The following LUC7L2 variants were observed in gnomAD, a reference collection of about 807,000 sequenced individuals.
The protein encoded by LUC7L2 is LUC7 like 2, pre-mRNA splicing factor.
LUC7L2 carries 25 observed loss-of-function variants against 52.8 expected under a neutral mutation model. The observed-to-expected ratio is 0.47, with a 90% confidence interval of 0.34 to 0.66. LUC7L2 has a LOEUF of 0.66. Among genes scored for constraint, LUC7L2 ranks in the 30% least tolerant of loss-of-function variants. The probability of loss-of-function intolerance (pLI) is 0.01; values close to 1 mark genes in which losing one functional copy is unlikely to be tolerated. For missense variants in LUC7L2, 328 were observed against 497.8 expected, an observed-to-expected ratio of 0.66 and a Z score of 3.25; for synonymous variants, 144 against 160.9, an observed-to-expected ratio of 0.89 and a Z score of 0.80.
At chr7:139,411,786 GATT>G (rs1355490738) in intron 7 of LUC7L2, among the ~76,000 whole-genome samples, 1 of 152,148 alleles carries the variant, frequency 6.6e-6, no homozygotes, top group Admixed American at 6.5e-5. Context: ...GTGTTCTAGA[GATT>G]ATAGTATGAG....
chr7:139,394,247 T>A (rs1331903064), intron 2 of LUC7L2, among the ~76,000 whole-genome samples: 1 of 152,222 alleles, frequency 6.6e-6, no homozygotes, highest in Non-Finnish European at 1.5e-5. Flanking sequence ...TTCTTTGCCC[T>A]CTTTCCTAGT....
intron 3 of LUC7L2, among the ~76,000 whole-genome samples, chr7:139,400,258 G>C (rs190027187): frequency 1.1e-3 from 163 of 152,242 alleles, no homozygotes; most frequent in Non-Finnish European, 9.3e-4. Context: ...TGTAATCCCA[G>C]CACTTTGGGA....
intron 2 of LUC7L2, among the ~76,000 whole-genome samples, chr7:139,383,728 T>C (rs1459214382): frequency 6.6e-6 from 1 of 150,676 alleles, no homozygotes; most frequent in East Asian, 1.9e-4. Context: ...GATGTCTTTT[T>C]TTTTTTCTTT....
chr7:139,378,983 T>C (rs1024503137), intron 2 of LUC7L2, among the ~76,000 whole-genome samples: 1 of 152,150 alleles, frequency 6.6e-6, no homozygotes, highest in African/African-American at 2.4e-5. Context: ...GCTTTTTCTT[T>C]GTTGTGTACC....
chr7:139,350,416 C>A (rs1038102596), intron 1 of LUC7L2, among the ~76,000 whole-genome samples: 1 of 151,634 alleles, frequency 6.6e-6, no homozygotes, highest in Non-Finnish European at 1.5e-5. Context: ...CCACTGCACC[C>A]AGCCACCTTA....
At chr7:139,402,357 G>C (rs1794951126) in intron 4 of LUC7L2, 110 bp downstream of exon 4, 2 of 1,067,732 alleles carry the variant, frequency 1.9e-6, no homozygotes, top group Non-Finnish European at 2.6e-6. Flanking sequence ...ACATATACAA[G>C]GAATTCTGTA....
Position 139,417,650 on chromosome 7 carries a change from A to AGCAGCCGTAGCC in LUC7L2, c.935_946dup (p.Arg312_Ser315dup). The stretch of plus-strand genomic sequence containing the variant: ...ACGCCATCGCCACAGGTCCCGCTCC[A>AGCAGCCGTAGCC]GCAGCCGTAGCCGCAGCCGTAGCCA... On this transcript the variant is annotated inframe_insertion, in exon 9 of 10. Coordinates refer to ENST00000354926, the MANE Select transcript of LUC7L2 (RefSeq NM_016019.5). 6.2e-7 allele frequency: 1 copy of AGCAGCCGTAGCC among 1,614,220 alleles called. No individual in the cohort carries two copies. Among genetic ancestry groups the AGCAGCCGTAGCC allele is most frequent in the Non-Finnish European group, 8.5e-7 (1 of 1,180,038 alleles).
At chr7:139,417,489 A>T in intron 8 of LUC7L2, 49 bp from the exon 9 acceptor site, 2 of 1,578,010 alleles carry the variant, frequency 1.3e-6, no homozygotes, top group South Asian at 2.3e-5. Context: ...AATAAATGAG[A>T]AATATAGTAA....
At chr7:139,380,307 C>T (rs970586313) in intron 2 of LUC7L2, among the ~76,000 whole-genome samples, 6 of 151,864 alleles carry the variant, frequency 4.0e-5, no homozygotes, top group African/African-American at 1.5e-4. Flanking sequence ...ACTTCAAAAG[C>T]TTGCGGCTAG....
chr7:139,377,787 A>G (rs1186598458), intron 2 of LUC7L2, among the ~76,000 whole-genome samples: 1 of 150,612 alleles, frequency 6.6e-6, no homozygotes, highest in Non-Finnish European at 1.5e-5. Flanking sequence ...TCAGCCTCCC[A>G]AAGTGCTGGA....
At chr7:139,360,456 C>T (rs903993816) in intron 1 of LUC7L2, 134 bp downstream of exon 1, 1 of 742,930 alleles carries the variant, frequency 1.3e-6, no homozygotes, top group East Asian at 3.0e-5. Flanking sequence ...AGGTCCCCGT[C>T]CCCCGTCCCA....
chr7:139,407,001 G>GTTTTTTTT (rs58914782), intron 5 of LUC7L2, among the ~76,000 whole-genome samples, 173 bp from the exon 6 acceptor site: 6 of 110,458 alleles, frequency 5.4e-5, no homozygotes, highest in Admixed American at 1.1e-4. Context: ...TGCTTTTGTG[G>GTTTTTTTT]TTTTTTTTTT....
intron 2 of LUC7L2, among the ~76,000 whole-genome samples, chr7:139,393,836 A>T (rs1042752794): frequency 1.3e-5 from 2 of 152,210 alleles, no homozygotes; most frequent in African/African-American, 2.4e-5. Context: ...AGGAATATAG[A>T]TGACTAGTAT....
At chr7:139,347,921 G>A (rs931385173) in intron 1 of LUC7L2, among the ~76,000 whole-genome samples, 6 of 152,148 alleles carry the variant, frequency 3.9e-5, no homozygotes, top group Middle Eastern at 3.4e-3. Context: ...GGCTGGTCTC[G>A]AACTCCTGAC....
At chr7:139,349,626 C>G (rs1585062090) in intron 1 of LUC7L2, among the ~76,000 whole-genome samples, 1 of 125,352 alleles carries the variant, frequency 8.0e-6, no homozygotes, top group Non-Finnish European at 1.7e-5. Context: ...CCCCCCCCCC[C>G]ACCGGATTTT....
intron 2 of LUC7L2, among the ~76,000 whole-genome samples, chr7:139,396,966 C>G (rs1317482932): frequency 6.6e-6 from 1 of 152,098 alleles, no homozygotes; most frequent in Admixed American, 6.5e-5. Context: ...GAATCTTGAT[C>G]TCGTGCATTA....
intron 4 of LUC7L2, among the ~76,000 whole-genome samples, chr7:139,404,898 T>TGGTTTAGCAATAAGTCAGATCTGATGGA (rs1174490845): frequency 6.6e-6 from 1 of 152,204 alleles, no homozygotes; most frequent in African/African-American, 2.4e-5. Context: ...AGATAGTAAT[T>TGGTTTAGCAATAAGTCAGATCTGATGGA]GGTTTAGCAA....
At position 139,407,156 on chromosome 7, in the gene LUC7L2, T is replaced by G. The variant is rs1795169441; in HGVS notation, c.511-18T>G. 3.1e-6 allele frequency: 5 copies of G among 1,599,898 alleles called. No individual in the cohort carries two copies. Among genetic ancestry groups the G allele is most frequent in the Non-Finnish European group, 4.3e-6 (5 of 1,172,124 alleles). ...TAGTGAGATTTATATGGTCATTGTT[T>G]TTCTCACTTTTGTTTAGGAAGTTTA... On this transcript the variant is annotated intron_variant, in intron 5 of 9. Coordinates refer to ENST00000354926, the MANE Select transcript of LUC7L2 (RefSeq NM_016019.5).
At chr7:139,344,384 G>A (rs1456546151) in intron 1 of LUC7L2, among the ~76,000 whole-genome samples, 1 of 152,042 alleles carries the variant, frequency 6.6e-6, no homozygotes, top group Non-Finnish European at 1.5e-5. Context: ...ACATCCTCCT[G>A]TATACTTTGT....
Sources: allele counts gnomAD v4.1 joint callset (sites outside exome capture counted in the v4.1 genomes callset), GRCh38; gene constraint gnomAD v4.1.1; transcripts MANE v1.5; gene names NCBI Gene and HGNC (gene_info 2026-07-23, HGNC 2026-07-21).